EFNA5: variants seen among roughly 807,000 people sequenced by gnomAD.
EFNA5 encodes ephrin-A5.
EFNA5 carries 5 observed loss-of-function variants against 22.9 expected under a neutral mutation model. The ratio of observed to expected loss-of-function variants is 0.22; its 90% CI spans 0.11 to 0.46. The LOEUF is 0.46. Ranked by LOEUF, EFNA5 falls within the 20% of genes least tolerant of loss-of-function variation. The pLI is 0.99. For synonymous variants in EFNA5, 113 were observed against 112.2 expected (o/e 1.01, Z -0.04); for missense variants, 237 against 293.3 (o/e 0.81, Z 1.40).
At chr5:107,405,655 G>A (rs765578818) in intron 2 of EFNA5, among the ~76,000 whole-genome samples, 12 of 151,976 alleles carry the variant, frequency 7.9e-5, no homozygotes, top group Non-Finnish European at 1.8e-4. Context: ...TGCTATACTT[G>A]GGGCAAATGG....
At chr5:107,452,326 T>C (rs1052223876) in intron 1 of EFNA5, among the ~76,000 whole-genome samples, 1 of 151,672 alleles carries the variant, frequency 6.6e-6, no homozygotes, top group African/African-American at 2.4e-5. Context: ...AAGTATCCCG[T>C]TTTTTTTCTT....
intron 1 of EFNA5, among the ~76,000 whole-genome samples, chr5:107,645,161 G>A (rs965475679): frequency 3.3e-5 from 5 of 152,124 alleles, no homozygotes; most frequent in African/African-American, 1.2e-4. Context: ...ATAATGCCAT[G>A]ACTTACAAAT....
intron 2 of EFNA5, among the ~76,000 whole-genome samples, chr5:107,419,875 C>A (rs1385671353): frequency 1.3e-5 from 2 of 152,142 alleles, no homozygotes; most frequent in East Asian, 3.8e-4. Context: ...TGCACACACA[C>A]ACACTGAAGC....
At chr5:107,529,414 A>T in intron 1 of EFNA5, among the ~76,000 whole-genome samples, 1 of 152,092 alleles carries the variant, frequency 6.6e-6, no homozygotes. Context: ...CAACTAGATA[A>T]GTATAGCTCA....
chr5:107,462,996 T>C (rs1480160108), intron 1 of EFNA5, among the ~76,000 whole-genome samples: 2 of 152,148 alleles, frequency 1.3e-5, no homozygotes, highest in African/African-American at 2.4e-5. Flanking sequence ...CTGGCGTCCA[T>C]CCTGATGCTG....
intron 1 of EFNA5, among the ~76,000 whole-genome samples, chr5:107,603,894 G>A (rs972522172): frequency 1.3e-5 from 2 of 152,194 alleles, no homozygotes; most frequent in Non-Finnish European, 2.9e-5. Flanking sequence ...AACAAAGTGA[G>A]TTAATCTACT....
intron 1 of EFNA5, among the ~76,000 whole-genome samples, chr5:107,574,598 T>G (rs886268408): frequency 6.6e-6 from 1 of 152,162 alleles, no homozygotes; most frequent in Non-Finnish European, 1.5e-5. Context: ...TGTTCCAAAC[T>G]TCAAGTTTCC....
In EFNA5 at chr5:107,401,285, G is replaced by GA. The variant is rs576092382; in HGVS notation, c.419-13515dup. Among the ~76,000 whole-genome samples the GA allele has an allele frequency of 1.3e-3, 197 of 152,224 alleles. 2 individuals carry two copies. Among genetic ancestry groups the GA allele is most frequent in the Non-Finnish European group, 3.4e-4 (23 of 68,008 alleles). ...TTATTGTATTACTTGGCATTTTGAG[G>GA]AAAAAATCAATCTATTTTGCCGCTG... On this transcript the variant is annotated intron_variant, in intron 2 of 4. Transcript: ENST00000333274.
chr5:107,639,258 A>G (rs887915943), intron 1 of EFNA5, among the ~76,000 whole-genome samples: 12 of 152,242 alleles, frequency 7.9e-5, no homozygotes, highest in Admixed American at 2.0e-4. Flanking sequence ...GCAGCAGTGA[A>G]TTGGCAGCAT....
chr5:107,583,088 C>T (rs1749103615), intron 1 of EFNA5, among the ~76,000 whole-genome samples: 1 of 151,988 alleles, frequency 6.6e-6, no homozygotes, highest in African/African-American at 2.4e-5. Flanking sequence ...TCATAAAGAA[C>T]CAGGGTAAAG....
At chr5:107,449,513 G>A (rs529516159) in intron 1 of EFNA5, among the ~76,000 whole-genome samples, 8 of 121,804 alleles carry the variant, frequency 6.6e-5, no homozygotes, top group Non-Finnish European at 1.2e-4. Context: ...ATCCCTCCCC[G>A]CCCCCCCAAC....
intron 4 of EFNA5, among the ~76,000 whole-genome samples, chr5:107,384,598 G>GCAAATC (rs1360780311): frequency 6.6e-6 from 1 of 151,888 alleles, no homozygotes. Context: ...GTGAAGAACT[G>GCAAATC]CAAATCCAAC....
At chr5:107,490,408 A>G (rs1746773516) in intron 1 of EFNA5, among the ~76,000 whole-genome samples, 1 of 152,126 alleles carries the variant, frequency 6.6e-6, no homozygotes, top group Non-Finnish European at 1.5e-5. Context: ...TGCTTTTAAC[A>G]CATCCCACCC....
chr5:107,552,833 T>C (rs1748326751), intron 1 of EFNA5, among the ~76,000 whole-genome samples: 1 of 152,186 alleles, frequency 6.6e-6, no homozygotes, highest in Non-Finnish European at 1.5e-5. Flanking sequence ...GACTAGCCCA[T>C]GTAATAGAAC....
chr5:107,481,857 A>AT (rs1261377169), intron 1 of EFNA5, among the ~76,000 whole-genome samples: 1 of 150,616 alleles, frequency 6.6e-6, no homozygotes, highest in African/African-American at 2.4e-5. Flanking sequence ...CTCAAAAAAA[A>AT]AAAAAAGAAA....
In EFNA5 at chr5:107,469,226, C is replaced by T. The variant is rs145827337; in HGVS notation, c.126-41717G>A. On this transcript the variant is annotated intron_variant, in intron 1 of 4. Transcript: ENST00000333274. Reference sequence around the variant, plus strand: ...CCAGCATCCATGAAGCTGTTCCCTGCGCTCCTCAACTGCAGTTACACTTTC... The same window carrying T: ...CCAGCATCCATGAAGCTGTTCCCTGTGCTCCTCAACTGCAGTTACACTTTC... Among the ~76,000 whole-genome samples, 5 of 152,260 alleles carry T rather than the reference C, an allele frequency of 3.3e-5. No homozygotes were observed. The East Asian group carries it at 5.8e-4, about 18-fold the overall frequency.
At chr5:107,610,900 G>A (rs1399706063) in intron 1 of EFNA5, among the ~76,000 whole-genome samples, 6 of 152,112 alleles carry the variant, frequency 3.9e-5, no homozygotes, top group Non-Finnish European at 7.4e-5. Context: ...TTCTAGCAAC[G>A]CAGGTTTCGA....
intron 1 of EFNA5, among the ~76,000 whole-genome samples, chr5:107,614,617 G>A (rs985293437): frequency 6.6e-6 from 1 of 152,128 alleles, no homozygotes; most frequent in Non-Finnish European, 1.5e-5. Flanking sequence ...TCCCTCTGGA[G>A]AGGAGTCTTT....
rs894401267 is a variant in EFNA5, at chr5:107,421,510, G to C, written c.418+5707C>G. Among the ~76,000 whole-genome samples, 26 of 152,154 alleles carry C rather than the reference G, an allele frequency of 1.7e-4. 1 individual carries two copies. Among genetic ancestry groups the C allele is most frequent in the African/African-American group, 6.0e-4 (25 of 41,434 alleles). On this transcript the variant is annotated intron_variant, in intron 2 of 4. Transcript: ENST00000333274. ...AAATGCAACTTTTCTGGTTTCTGAA[G>C]TTATCTGAGTTAAAAAGGTCAACGC...
Sources: gnomAD v4.1 joint callset for allele counts (sites outside exome capture counted in the v4.1 genomes callset) on GRCh38, gnomAD v4.1.1 for gene constraint, MANE v1.5 for transcripts, NCBI Gene and HGNC (gene_info 2026-07-23, HGNC 2026-07-21) for gene names.